Variants in DEAF1 observed in about 807,000 individuals in gnomAD.
DEAF1 encodes the protein deformed epidermal autoregulatory factor 1 homolog.
In DEAF1, 53 loss-of-function variants were observed where a neutral mutation model predicts 58.9. The observed-to-expected ratio is 0.90, with a 90% CI of 0.72 to 1.13. The LOEUF is 1.13. DEAF1 is among the 50% of genes most tolerant of loss of function. DEAF1 has a pLI of 0.00. For missense variants in DEAF1, 685 were observed against 791.4 expected (o/e 0.87, Z 1.61); for synonymous variants, 385 against 340.4 (o/e 1.13, Z -1.44).
chr11:689,291 C>T (rs554060744), intron 2 of DEAF1, among the ~76,000 whole-genome samples: 2 of 150,378 alleles, frequency 1.3e-5, no homozygotes, highest in South Asian at 2.1e-4. Context: ...CTGCAAGCTC[C>T]GCCTCCCGGG....
upstream of DEAF1, chr11:695,580 CG>C: frequency 8.1e-7 from 1 of 1,237,608 alleles, no homozygotes; most frequent in Non-Finnish European, 1.0e-6. Context: ...GAGGCCGAGC[CG>C]AGACGAGCCG....
At chr11:674,031 C>A (rs1223175261) in intron 10 of DEAF1, 1 of 233,238 alleles carries the variant, frequency 4.3e-6, no homozygotes, top group Non-Finnish European at 8.5e-6. Flanking sequence ...GGGCACTACG[C>A]CCTGTGAGCC....
At chr11:654,587 A>C (rs1467518270) in intron 10 of DEAF1, 1 of 454,868 alleles carries the variant, frequency 2.2e-6, no homozygotes, top group Non-Finnish European at 4.4e-6. Context: ...CTGGAAGACC[A>C]GTATGGGCCG....
intron 6 of DEAF1, among the ~76,000 whole-genome samples, chr11:683,860 C>T (rs1417654477): frequency 6.6e-6 from 1 of 152,138 alleles, no homozygotes; most frequent in Non-Finnish European, 1.5e-5. Flanking sequence ...AGACTGACAT[C>T]TAAGTACTTC....
At chr11:678,547 G>A in intron 9 of DEAF1, 147 bp downstream of exon 9, 1 of 1,148,594 alleles carries the variant, frequency 8.7e-7, no homozygotes, top group Non-Finnish European at 1.3e-6. Flanking sequence ...CATAGGCAGT[G>A]GGCCACACTT....
intron 11 of DEAF1, among the ~76,000 whole-genome samples, chr11:647,519 AAC>A (rs996161280): frequency 7.9e-5 from 12 of 152,298 alleles, no homozygotes; most frequent in South Asian, 2.1e-4. Context: ...ATGAAATAAA[AAC>A]AGTGACTAAA....
At chr11:685,078 A>AATT in intron 5 of DEAF1, 115 bp from the exon 6 acceptor site, 40 of 696,166 alleles carry the variant, frequency 5.7e-5, no homozygotes, top group East Asian at 1.1e-4. Context: ...TAAATATAAA[A>AATT]ATTCTTTTTT....
chr11:663,434 T>C (rs141767358), intron 10 of DEAF1, among the ~76,000 whole-genome samples: 1 of 152,012 alleles, frequency 6.6e-6, no homozygotes, highest in African/African-American at 2.4e-5. Flanking sequence ...GGTGACAGAG[T>C]GAGACTCAAC....
At chr11:691,394 G>A in intron 2 of DEAF1, 107 bp downstream of exon 2, 6 of 1,028,440 alleles carry the variant, frequency 5.8e-6, no homozygotes, top group Admixed American at 3.9e-5. Flanking sequence ...CCAGCTCACA[G>A]AGCAGACGTT....
At chr11:697,200 G>C (rs935283848), upstream of DEAF1, among the ~76,000 whole-genome samples, 1 of 152,028 alleles carries the variant, frequency 6.6e-6, no homozygotes, top group Non-Finnish European at 1.5e-5. Flanking sequence ...ACTGCAGTGA[G>C]CTGTGATCAG....
chr11:671,501 T>C (rs903188349), intron 10 of DEAF1, among the ~76,000 whole-genome samples: 4 of 151,492 alleles, frequency 2.6e-5, no homozygotes, highest in African/African-American at 9.7e-5. Flanking sequence ...AGATTACAAG[T>C]GTGATCCACT....
In DEAF1 at chr11:686,898, CTTCT is replaced by C. The variant is rs1860617370; in HGVS notation, c.760_763del (p.Arg254AlafsTer18). On this transcript the variant is annotated frameshift_variant, in exon 5 of 12. Transcript: ENST00000382409. LOFTEE classifies it high-confidence loss of function. ...CAAGGGTCGGCCCGCGTAGCGAATG[CTTCT>C]TTTCCAGTCCTTACTGCTGGCTCTT... is the stretch of plus-strand genomic sequence containing the variant. 4.3e-6 allele frequency: 7 copies of C among 1,614,106 alleles called. No individual in the cohort carries two copies. The highest frequency in any genetic ancestry group is 5.9e-6 in the Non-Finnish European group (7 of 1,180,054).
At chr11:680,824 G>A in intron 7 of DEAF1, 139 bp downstream of exon 7, 2 of 1,271,014 alleles carry the variant, frequency 1.6e-6, no homozygotes, top group Non-Finnish European at 1.1e-6. Flanking sequence ...GCAAAGGAGT[G>A]TGATGGCGTT....
upstream of DEAF1, among the ~76,000 whole-genome samples, chr11:697,012 T>TGGGGGGGG (rs1861212589): frequency 1.0e-5 from 1 of 95,558 alleles, no homozygotes; most frequent in African/African-American, 4.1e-5. Context: ...CCGGTGGTGG[T>TGGGGGGGG]GGTGGGGGGG....
chr11:646,252 C>CAAAAAAAAAAAAAAAAAAAA (rs397761163), intron 11 of DEAF1: 1 of 81,184 alleles, frequency 1.2e-5, no homozygotes, highest in Non-Finnish European at 2.3e-5. Context: ...GACTACGTCT[C>CAAAAAAAAAAAAAAAAAAAA]AAAAAAAAAA....
Position 703,635 on chromosome 11 carries a change from A to G in DEAF1, c.-438+2937T>C, listed in dbSNP as rs540023357. The G allele has an allele frequency of 1.3e-5, 16 of 1,232,766 alleles. No individual in the cohort carries two copies. In the South Asian group the frequency reaches 6.1e-4, roughly 47 times the overall value. 76.4% of individuals were successfully genotyped at this position (1,232,766 alleles called of 1,614,324 possible). On this transcript the variant is annotated intron_variant, in intron 1 of 11. Coordinates refer to the DEAF1 transcript ENST00000683307. Reference sequence around the variant, plus strand: ...CCTGTGTTTCCAAGTCGGGCTGGAGACGCAGGATGGGGTAGGCCTTGTGCT... The same window carrying G: ...CCTGTGTTTCCAAGTCGGGCTGGAGGCGCAGGATGGGGTAGGCCTTGTGCT...
chr11:658,920 T>C (rs1286453358), intron 10 of DEAF1, among the ~76,000 whole-genome samples: 1 of 152,252 alleles, frequency 6.6e-6, no homozygotes, highest in African/African-American at 2.4e-5. Flanking sequence ...CTGGTTTCAT[T>C]ATAATTGATT....
intron 11 of DEAF1, among the ~76,000 whole-genome samples, chr11:650,410 A>G (rs903095633): frequency 6.0e-5 from 9 of 150,680 alleles, no homozygotes; most frequent in Non-Finnish European, 1.0e-4. Flanking sequence ...GGCAGAGACT[A>G]TCAGACTAGA....
At chr11:702,531 C>A (rs1861544003) in intron 1 of DEAF1, among the ~76,000 whole-genome samples, 1 of 152,220 alleles carries the variant, frequency 6.6e-6, no homozygotes, top group Non-Finnish European at 1.5e-5. Context: ...AATACATACT[C>A]GTGAAATTTT....
Sources: allele counts gnomAD v4.1 joint callset (sites outside exome capture counted in the v4.1 genomes callset), GRCh38; gene constraint gnomAD v4.1.1; transcripts MANE v1.5; gene names NCBI Gene and HGNC (gene_info 2026-07-23, HGNC 2026-07-21).